The following SLC8A1 variants were observed in gnomAD, a reference collection of about 807,000 sequenced individuals.
The protein encoded by SLC8A1 is sodium/calcium exchanger 1.
Under a neutral mutation model 68.3 loss-of-function variants are expected in SLC8A1, and 18 were observed. The observed-to-expected ratio is 0.26, with a 90% confidence interval of 0.18 to 0.39. The LOEUF is 0.39. Ranked by LOEUF, SLC8A1 falls within the 10% of genes least tolerant of loss-of-function variation. The pLI, the probability that SLC8A1 is intolerant of heterozygous loss-of-function variation, is 1.00. For missense variants in SLC8A1, 985 were observed against 1,156.7 expected, an observed-to-expected ratio of 0.85 and a Z score of 2.15; for synonymous variants, 475 against 415.5, an observed-to-expected ratio of 1.14 and a Z score of -1.74.
At chr2:40,412,143 G>A (rs192266367) in intron 2 of SLC8A1, among the ~76,000 whole-genome samples, 1 of 152,220 alleles carries the variant, frequency 6.6e-6, no homozygotes, top group Non-Finnish European at 1.5e-5. Context: ...TCATGGCGTT[G>A]CTATACTCTT....
At chr2:40,160,924 A>T in intron 5 of SLC8A1, 60 bp from the exon 9 acceptor site, 1 of 1,258,414 alleles carries the variant, frequency 7.9e-7, no homozygotes, top group Admixed American at 1.8e-5. Context: ...AGGAAATCCA[A>T]GACCTTGTTG....
intron 2 of SLC8A1, among the ~76,000 whole-genome samples, chr2:40,315,796 C>G (rs986680025): frequency 6.6e-6 from 1 of 151,960 alleles, no homozygotes; most frequent in Non-Finnish European, 1.5e-5. Context: ...TAAATGTTAT[C>G]TAAGTTCTTT....
intron 1 of SLC8A1, among the ~76,000 whole-genome samples, chr2:40,489,505 CT>C (rs1705184499): frequency 6.6e-6 from 1 of 152,124 alleles, no homozygotes; most frequent in Admixed American, 6.6e-5. Flanking sequence ...TCTCACTTTT[CT>C]GACATTCAAT....
At chr2:40,150,578 T>C (rs1250789766) in intron 6 of SLC8A1, among the ~76,000 whole-genome samples, 1 of 152,222 alleles carries the variant, frequency 6.6e-6, no homozygotes, top group Non-Finnish European at 1.5e-5. Context: ...TGATGGCACA[T>C]TGTTTGCAGA....
At chr2:40,376,281 T>A (rs148295347) in intron 2 of SLC8A1, among the ~76,000 whole-genome samples, 1 of 152,238 alleles carries the variant, frequency 6.6e-6, no homozygotes, top group African/African-American at 2.4e-5. Flanking sequence ...TCAGATAAGC[T>A]AACCTAAGCC....
intron 2 of SLC8A1, among the ~76,000 whole-genome samples, chr2:40,307,319 T>A (rs1167099223): frequency 6.6e-6 from 1 of 152,188 alleles, no homozygotes; most frequent in East Asian, 1.9e-4. Flanking sequence ...TATGATTGCA[T>A]GATATGAAGT....
At chr2:40,176,652 C>G (rs1483766589) in intron 3 of SLC8A1, among the ~76,000 whole-genome samples, 1 of 152,134 alleles carries the variant, frequency 6.6e-6, no homozygotes, top group Non-Finnish European at 1.5e-5. Context: ...TGTGAGGCCA[C>G]AAACATGGGA....
chr2:40,200,259 T>TATAA, intron 2 of SLC8A1, among the ~76,000 whole-genome samples: 1 of 74,290 alleles, frequency 1.3e-5, no homozygotes, highest in Non-Finnish European at 2.4e-5. Context: ...TATATATATA[T>TATAA]ATATATATAA....
chr2:40,108,092 T>C (rs1160978464), exon 8 of SLC8A1: 1 of 152,176 alleles, frequency 6.6e-6, no homozygotes, highest in Non-Finnish European at 1.5e-5. Context: ...TGAAAAATTC[T>C]GAAATGTAAA....
At chr2:40,511,366 CAGG>C (rs1706715733) in intron 1 of SLC8A1, among the ~76,000 whole-genome samples, 1 of 152,070 alleles carries the variant, frequency 6.6e-6, no homozygotes, top group Non-Finnish European at 1.5e-5. Flanking sequence ...TTGTGTTTGG[CAGG>C]AGTTCACAGA....
intron 2 of SLC8A1, among the ~76,000 whole-genome samples, chr2:40,293,959 G>C (rs1464608800): frequency 6.6e-6 from 1 of 152,160 alleles, no homozygotes; most frequent in East Asian, 1.9e-4. Context: ...GGCAGCTTTA[G>C]TGAGTTTGGA....
intron 2 of SLC8A1, among the ~76,000 whole-genome samples, chr2:40,364,042 C>G (rs957807286): frequency 1.3e-5 from 2 of 152,046 alleles, no homozygotes; most frequent in Admixed American, 6.6e-5. Context: ...CCTCTGTACT[C>G]ATATCACTAT....
intron 2 of SLC8A1, among the ~76,000 whole-genome samples, chr2:40,276,919 G>C (rs746804821): frequency 3.3e-5 from 5 of 152,154 alleles, no homozygotes; most frequent in African/African-American, 4.8e-5. Context: ...TTTTGTGATG[G>C]TTCAACTTAG....
intron 7 of SLC8A1, among the ~76,000 whole-genome samples, chr2:40,130,952 C>T (rs2039199680): frequency 6.6e-6 from 1 of 152,196 alleles, no homozygotes; most frequent in Non-Finnish European, 1.5e-5. Flanking sequence ...CTTAGTTTTT[C>T]AGTTTTCAAT....
At chr2:40,201,710 G>C (rs925168639) in intron 2 of SLC8A1, among the ~76,000 whole-genome samples, 3 of 151,882 alleles carry the variant, frequency 2.0e-5, no homozygotes, top group African/African-American at 7.2e-5. Flanking sequence ...TATGGTCATA[G>C]AAACACCTTA....
chr2:40,377,990 A>C (rs1217642279), intron 2 of SLC8A1, among the ~76,000 whole-genome samples: 1 of 152,154 alleles, frequency 6.6e-6, no homozygotes, highest in Non-Finnish European at 1.5e-5. Context: ...GTTTTAAAGA[A>C]AATTATCCTG....
At chr2:40,255,651 T>G (rs2063791090) in intron 2 of SLC8A1, among the ~76,000 whole-genome samples, 1 of 152,204 alleles carries the variant, frequency 6.6e-6, no homozygotes, top group Non-Finnish European at 1.5e-5. Context: ...CTCATAATTT[T>G]GTTGTGGAAA....
At chr2:40,483,017 G>A (rs1020640066) in intron 1 of SLC8A1, among the ~76,000 whole-genome samples, 2 of 150,150 alleles carry the variant, frequency 1.3e-5, no homozygotes, top group African/African-American at 4.9e-5. Context: ...TGTTAGCCAG[G>A]ATGGTCTCAA....
At chr2:40,426,730 T>C (rs1291894430) in intron 2 of SLC8A1, among the ~76,000 whole-genome samples, 7 of 152,042 alleles carry the variant, frequency 4.6e-5, no homozygotes, top group Non-Finnish European at 7.4e-5. Flanking sequence ...GCTACCCTTA[T>C]GAGTTCATTT....
Sources: gnomAD v4.1 joint callset for allele counts (sites outside exome capture counted in the v4.1 genomes callset) on GRCh38, gnomAD v4.1.1 for gene constraint, MANE v1.5 for transcripts, NCBI Gene and HGNC (gene_info 2026-07-23, HGNC 2026-07-21) for gene names.